Variants in PTPN1 observed in about 807,000 individuals in gnomAD.
The protein encoded by PTPN1 is tyrosine-protein phosphatase non-receptor type 1.
Under a neutral mutation model 59.9 loss-of-function variants are expected in PTPN1, and 12 were observed. That is an observed-to-expected ratio of 0.20 (90% CI 0.13 to 0.32). The LOEUF is 0.32. Ranked by LOEUF, PTPN1 falls within the 10% of genes least tolerant of loss-of-function variation. The pLI is 1.00. For synonymous variants in PTPN1, 178 were observed against 203.6 expected (o/e 0.87, Z 1.07); for missense variants, 356 against 549.2 (o/e 0.65, Z 3.52).
At chr20:50,558,082 GCCT>G (rs960213785) in intron 1 of PTPN1, 18 of 152,224 alleles carry the variant, frequency 1.2e-4, no homozygotes, top group African/African-American at 4.1e-4. Flanking sequence ...TGAGCCTCCT[GCCT>G]CAGCTTCCCA....
At chr20:50,559,883 G>A (rs1395896880) in intron 1 of PTPN1, among the ~76,000 whole-genome samples, 1 of 137,698 alleles carries the variant, frequency 7.3e-6, no homozygotes, top group Non-Finnish European at 1.6e-5. Context: ...TCTGGTTTTT[G>A]TTTTTTGTTT....
intron 1 of PTPN1, among the ~76,000 whole-genome samples, chr20:50,541,950 C>T (rs1025272591): frequency 2.2e-4 from 33 of 152,300 alleles, no homozygotes; most frequent in African/African-American, 7.5e-4. Flanking sequence ...TACTAGCCAA[C>T]CTTGATGTTT....
chr20:50,522,855 G>A (rs973380358), intron 1 of PTPN1, among the ~76,000 whole-genome samples: 1 of 152,034 alleles, frequency 6.6e-6, no homozygotes, highest in Non-Finnish European at 1.5e-5. Context: ...CCGAGTTCAA[G>A]TGATTCTCCT....
At chr20:50,525,337 A>G (rs969642365) in intron 1 of PTPN1, among the ~76,000 whole-genome samples, 7 of 152,262 alleles carry the variant, frequency 4.6e-5, no homozygotes, top group African/African-American at 7.2e-5. Context: ...CTGGGATTAC[A>G]GGCGTGAGCC....
chr20:50,574,239 A>G (rs2082824702), intron 4 of PTPN1: 3 of 388,100 alleles, frequency 7.7e-6, no homozygotes, highest in Non-Finnish European at 1.4e-5. Flanking sequence ...ACGGTGAGAA[A>G]GCGTCAGAGC....
intron 1 of PTPN1, among the ~76,000 whole-genome samples, chr20:50,536,869 T>G (rs191093646): frequency 1.3e-3 from 193 of 152,360 alleles, no homozygotes; most frequent in African/African-American, 4.3e-3. Flanking sequence ...ATTTTTATGC[T>G]ATATTTCATG....
intron 1 of PTPN1, among the ~76,000 whole-genome samples, chr20:50,538,444 T>C (rs1202870419): frequency 2.0e-5 from 3 of 152,254 alleles, no homozygotes; most frequent in African/African-American, 4.8e-5. Flanking sequence ...AAAAACTAGT[T>C]AGGTGTGACT....
At chr20:50,562,291 C>G (rs2082756456) in intron 2 of PTPN1, among the ~76,000 whole-genome samples, 1 of 152,174 alleles carries the variant, frequency 6.6e-6, no homozygotes, top group Non-Finnish European at 1.5e-5. Flanking sequence ...AGGTCCTGTG[C>G]CCATGGCTGG....
intron 1 of PTPN1, among the ~76,000 whole-genome samples, chr20:50,513,384 G>A (rs1479807844): frequency 6.6e-6 from 1 of 152,166 alleles, no homozygotes; most frequent in African/African-American, 2.4e-5. Context: ...TGATTTTACT[G>A]AGCTAGAATG....
intron 1 of PTPN1, among the ~76,000 whole-genome samples, chr20:50,544,150 G>A (rs1054507528): frequency 2.6e-5 from 4 of 151,096 alleles, no homozygotes; most frequent in Non-Finnish European, 5.9e-5. Flanking sequence ...GGACTAAATT[G>A]TTTCAGTATT....
intron 1 of PTPN1, among the ~76,000 whole-genome samples, chr20:50,552,525 ACT>A (rs1349977956): frequency 1.3e-5 from 2 of 151,950 alleles, no homozygotes; most frequent in African/African-American, 4.8e-5. Context: ...GGATCCACTT[ACT>A]GCTGTGATCA....
intron 4 of PTPN1, 80 bp from the exon 5 acceptor site, chr20:50,574,437 T>C: frequency 7.2e-7 from 1 of 1,383,392 alleles, no homozygotes; most frequent in Non-Finnish European, 9.7e-7. Flanking sequence ...TCATGAAGCT[T>C]GTGGGATGTG....
chr20:50,532,716 G>A lies in PTPN1; in HGVS notation c.63+22126G>A, dbSNP rs2082606701. ...CATTCTGGGCTCCATGTGGATGATG[G>A]GGTGTGTGTGTGTGTCTGTCTATGT... is the stretch of plus-strand genomic sequence containing the variant. On this transcript the variant is annotated intron_variant, in intron 1 of 9. Coordinates refer to ENST00000371621, the MANE Select transcript of PTPN1 (RefSeq NM_002827.4). Among the ~76,000 whole-genome samples, 8 of 152,192 alleles carry A rather than the reference G, an allele frequency of 5.3e-5. No homozygotes were observed. In the South Asian group the frequency reaches 1.7e-3, roughly 32 times the overall value.
intron 1 of PTPN1, among the ~76,000 whole-genome samples, chr20:50,527,751 T>C (rs1161027607): frequency 6.6e-6 from 1 of 152,236 alleles, no homozygotes; most frequent in Non-Finnish European, 1.5e-5. Context: ...GGTAGACCTG[T>C]ATTTGCATAT....
At chr20:50,539,055 GAA>G (rs2082637018) in intron 1 of PTPN1, among the ~76,000 whole-genome samples, 1 of 91,292 alleles carries the variant, frequency 1.1e-5, no homozygotes, top group African/African-American at 4.5e-5. Flanking sequence ...TTTTTTTTGA[GAA>G]AGAGTTTCGC....
intron 1 of PTPN1, among the ~76,000 whole-genome samples, chr20:50,516,445 A>T (rs2082529304): frequency 6.6e-6 from 1 of 152,206 alleles, no homozygotes; most frequent in Admixed American, 6.5e-5. Context: ...CTAACTGATC[A>T]TTAAGTTCAG....
chr20:50,527,643 G>A (rs2082583074), intron 1 of PTPN1, among the ~76,000 whole-genome samples: 1 of 152,154 alleles, frequency 6.6e-6, no homozygotes, highest in Non-Finnish European at 1.5e-5. Context: ...ACAGGTGTGA[G>A]CCACCGCACC....
intron 1 of PTPN1, among the ~76,000 whole-genome samples, chr20:50,533,908 G>A (rs1055367131): frequency 1.3e-5 from 2 of 152,102 alleles, no homozygotes; most frequent in Non-Finnish European, 2.9e-5. Flanking sequence ...GGAGCAGATT[G>A]TCTGGCTATA....
rs868644804 is a variant in PTPN1 at position 50,515,026 on chromosome 20, A to G, written c.63+4436A>G. Among the ~76,000 whole-genome samples the G allele has an allele frequency of 2.6e-5, 4 of 152,340 alleles. No individual in the cohort carries two copies. In the Middle Eastern group the frequency reaches 0.01, roughly 389 times the overall value. ...GCAATGGTTTCTAGTTTCACACTGC[A>G]GAAATGAGTGAAGCCGGTTACCCGT... On this transcript the variant is annotated intron_variant, in intron 1 of 9. Transcript: ENST00000371621.
Sources: allele counts gnomAD v4.1 joint callset (sites outside exome capture counted in the v4.1 genomes callset), GRCh38; gene constraint gnomAD v4.1.1; transcripts MANE v1.5; gene names NCBI Gene and HGNC (gene_info 2026-07-23, HGNC 2026-07-21).